TTC39B: variants seen among roughly 807,000 people sequenced by gnomAD.
TTC39B encodes the protein tetratricopeptide repeat domain 39B, also known as tetratricopeptide repeat protein 39B.
A neutral mutation model predicts 96.6 loss-of-function variants in TTC39B; 92 were observed. The ratio of observed to expected loss-of-function variants is 0.95; its 90% confidence interval spans 0.80 to 1.13. TTC39B has a LOEUF of 1.13. Ranked by LOEUF, TTC39B falls within the 50% of genes most tolerant of loss-of-function variation. The pLI is 0.00. For synonymous variants in TTC39B, 367 were observed against 299.4 expected (o/e 1.23, Z -2.33); for missense variants, 955 against 809.3 (o/e 1.18, Z -2.18).
At chr9:15,258,239 G>T (rs1306881745) in intron 2 of TTC39B, among the ~76,000 whole-genome samples, 1 of 152,062 alleles carries the variant, frequency 6.6e-6, no homozygotes, top group Non-Finnish European at 1.5e-5. Flanking sequence ...CGGAGAGAGA[G>T]GAAAGTGAAC....
At chr9:15,188,425 G>C (rs1285423317) in intron 13 of TTC39B, among the ~76,000 whole-genome samples, 1 of 152,114 alleles carries the variant, frequency 6.6e-6, no homozygotes, top group Non-Finnish European at 1.5e-5. Context: ...AATAAAGTTA[G>C]AACTTCCATA....
At chr9:15,214,014 G>A in intron 4 of TTC39B, 125 bp downstream of exon 4, 1 of 637,714 alleles carries the variant, frequency 1.6e-6, no homozygotes, top group Non-Finnish European at 2.6e-6. Flanking sequence ...AAGTAAAGAG[G>A]TCTGAACTAA....
At chr9:15,233,337 T>G (rs1218293791) in intron 2 of TTC39B, among the ~76,000 whole-genome samples, 3 of 151,816 alleles carry the variant, frequency 2.0e-5, no homozygotes, top group African/African-American at 7.3e-5. Flanking sequence ...GCCCTCTCCC[T>G]CTCCCTCTCC....
intron 2 of TTC39B, among the ~76,000 whole-genome samples, chr9:15,266,235 T>A (rs977210466): frequency 6.6e-6 from 1 of 151,864 alleles, no homozygotes; most frequent in African/African-American, 2.4e-5. Flanking sequence ...TTAATCCCAA[T>A]CACAATTAAG....
chr9:15,221,623 C>CTAG (rs1305201302), intron 3 of TTC39B, among the ~76,000 whole-genome samples: 1 of 152,166 alleles, frequency 6.6e-6, no homozygotes, highest in African/African-American at 2.4e-5. Flanking sequence ...GTCTCTGCGT[C>CTAG]TAGGCCCTAG....
chr9:15,277,134 A>C (rs12335767), intron 1 of TTC39B, among the ~76,000 whole-genome samples: 21,635 of 152,088 alleles, frequency 0.14, 2,637 homozygotes, highest in African/African-American at 0.34. Context: ...CAGCATAAAA[A>C]ACATAATTTA....
In TTC39B at chr9:15,302,061, G is replaced by A. The variant is rs149910578; in HGVS notation, c.240+5023C>T. ...TGTAAGGTTGGGCACGGTGGCTCAC[G>A]CCTGTAATCCCAGCACATTGGGAGG... is the stretch of plus-strand genomic sequence containing the variant. On this transcript the variant is annotated intron_variant, in intron 1 of 19. Coordinates refer to ENST00000512701, the Ensembl canonical transcript of TTC39B. 2.4e-3 allele frequency among the ~76,000 whole-genome samples: 371 copies of A among 152,236 alleles called. 1 individual carries two copies. The highest frequency in any genetic ancestry group is 8.6e-3 in the African/African-American group (356 of 41,548).
chr9:15,173,877 G>A (rs559448662), intron 19 of TTC39B, among the ~76,000 whole-genome samples: 9 of 152,076 alleles, frequency 5.9e-5, no homozygotes, highest in Admixed American at 2.6e-4. Context: ...AGTATGTTTC[G>A]TTCTCTCCCC....
chr9:15,201,732 G>T (rs1819551427), intron 7 of TTC39B, among the ~76,000 whole-genome samples: 1 of 152,156 alleles, frequency 6.6e-6, no homozygotes. Flanking sequence ...ACCCGTCAGT[G>T]GCTTTCAAGG....
chr9:15,263,137 T>A (rs1473901762), intron 2 of TTC39B, among the ~76,000 whole-genome samples: 1 of 152,224 alleles, frequency 6.6e-6, no homozygotes, highest in African/African-American at 2.4e-5. Flanking sequence ...TGGGGACTTC[T>A]CAGCCTCCAT....
chr9:15,289,704 CT>C, intron 1 of TTC39B, among the ~76,000 whole-genome samples: 1 of 152,310 alleles, frequency 6.6e-6, no homozygotes, highest in South Asian at 2.1e-4. Flanking sequence ...CTACTTGAGA[CT>C]TTGGATCCAG....
At chr9:15,180,644 A>ACAACTTCTCCCCATTTTC (rs1445369430) in intron 17 of TTC39B, among the ~76,000 whole-genome samples, 2 of 152,192 alleles carry the variant, frequency 1.3e-5, no homozygotes, top group Admixed American at 6.5e-5. Context: ...CCTCAGGTTT[A>ACAACTTCTCCCCATTTTC]CAACTTCTCC....
At chr9:15,250,740 T>C (rs1822498427) in intron 2 of TTC39B, among the ~76,000 whole-genome samples, 2 of 152,344 alleles carry the variant, frequency 1.3e-5, no homozygotes, top group South Asian at 4.1e-4. Flanking sequence ...TAGAACATAG[T>C]TCTAAAGTTC....
intron 4 of TTC39B, 56 bp from the exon 5 acceptor site, chr9:15,211,453 A>G: frequency 7.3e-7 from 1 of 1,377,694 alleles, no homozygotes; most frequent in South Asian, 1.9e-5. Context: ...ACTGATCATA[A>G]GAAATCCTAG....
exon 20 of TTC39B, chr9:15,167,005 TATATATA>T (rs1817535403): frequency 2.6e-4 from 2 of 7,684 alleles, no homozygotes; most frequent in Non-Finnish European, 5.5e-4. Context: ...TATATATATA[TATATATA>T]TATATATATA....
chr9:15,244,813 C>T (rs2131483297), intron 2 of TTC39B, among the ~76,000 whole-genome samples: 1 of 151,714 alleles, frequency 6.6e-6, no homozygotes, highest in African/African-American at 2.4e-5. Context: ...TTCAGTGGGA[C>T]ACTGAATGGG....
chr9:15,196,468 C>A (rs1819176411), intron 8 of TTC39B, among the ~76,000 whole-genome samples: 1 of 152,114 alleles, frequency 6.6e-6, no homozygotes, highest in Non-Finnish European at 1.5e-5. Context: ...TGATTTCAAC[C>A]CTCATGGATC....
At chr9:15,295,249 A>G (rs1415912751) in intron 1 of TTC39B, among the ~76,000 whole-genome samples, 1 of 152,190 alleles carries the variant, frequency 6.6e-6, no homozygotes, top group Non-Finnish European at 1.5e-5. Context: ...CTGTTTCCCA[A>G]CTGTACCACA....
chr9:15,306,507 C>T lies in TTC39B; in HGVS notation c.240+577G>A, dbSNP rs985068418. On this transcript the variant is annotated intron_variant, in intron 1 of 19. Coordinates refer to ENST00000512701, the Ensembl canonical transcript of TTC39B. This position sits in a 1 kb window ranked among gnomAD's most constrained non-coding sequence, Gnocchi z 5.1. ...GAGGGAAGCACCACAGCCTGGGCTG[C>T]GGCTCTAGCCCTCCAGCCCCAGCCC... Among the ~76,000 whole-genome samples the T allele has an allele frequency of 6.6e-6, 1 of 152,200 alleles. No homozygotes were observed. The highest frequency in any genetic ancestry group is 2.4e-5 in the African/African-American group (1 of 41,464).
Sources: gnomAD v4.1 joint callset for allele counts (sites outside exome capture counted in the v4.1 genomes callset) on GRCh38, gnomAD v4.1.1 for gene constraint, Gnocchi (gnomAD v3.1) non-coding constraint, MANE v1.5 for transcripts, NCBI Gene and HGNC (gene_info 2026-07-23, HGNC 2026-07-21) for gene names.